The following RASGEF1C variants were observed in gnomAD, a reference collection of about 807,000 sequenced individuals.
The protein encoded by RASGEF1C is ras-GEF domain-containing family member 1C.
Under a neutral mutation model 58.1 loss-of-function variants are expected in RASGEF1C, and 27 were observed. The observed-to-expected ratio is 0.46, with a 90% CI of 0.34 to 0.64. The LOEUF (loss-of-function observed/expected upper bound fraction) is 0.64, where lower values mean the gene tolerates loss of function less well. Ranked by LOEUF, RASGEF1C falls within the 30% of genes least tolerant of loss-of-function variation. The pLI is 0.01. For missense variants in RASGEF1C, 502 were observed against 605.1 expected (o/e 0.83, Z 1.79); for synonymous variants, 243 against 246.3 (o/e 0.99, Z 0.13).
In RASGEF1C at chr5:180,155,959, C is replaced by T. The variant is rs1033732254; in HGVS notation, c.-6-17901G>A. Among the ~76,000 whole-genome samples, 2 of 152,136 alleles carry T rather than the reference C, an allele frequency of 1.3e-5. No homozygotes were observed. The highest frequency in any genetic ancestry group is 4.8e-5 in the African/African-American group (2 of 41,432). On this transcript the variant is annotated intron_variant, in intron 1 of 13. Coordinates refer to ENST00000361132, the MANE Select transcript of RASGEF1C (RefSeq NM_175062.4). The surrounding 1 kb of genome is among the most constrained non-coding windows in gnomAD (Gnocchi z 5.2). ...AAGTGACCAGGTTATCCAATTAGAGCAAAGCCTGGGCTTTGCTTCGAGACA... is the reference window on the plus strand; with the variant it reads ...AAGTGACCAGGTTATCCAATTAGAGTAAAGCCTGGGCTTTGCTTCGAGACA...
intron 8 of RASGEF1C, among the ~76,000 whole-genome samples, chr5:180,119,107 C>T (rs1287746435): frequency 1.3e-5 from 2 of 152,236 alleles, no homozygotes; most frequent in African/African-American, 4.8e-5. Flanking sequence ...GGTCTGGGGA[C>T]ATACCACCAA....
At chr5:180,152,552 G>A (rs1381753430) in intron 1 of RASGEF1C, among the ~76,000 whole-genome samples, 9 of 121,166 alleles carry the variant, frequency 7.4e-5, no homozygotes, top group African/African-American at 2.2e-4. Context: ...ATCACACACC[G>A]GGGCCTGTTG....
chr5:180,171,563 C>G (rs896075009), intron 1 of RASGEF1C, among the ~76,000 whole-genome samples: 3 of 152,118 alleles, frequency 2.0e-5, no homozygotes, highest in African/African-American at 7.2e-5. Flanking sequence ...CACACTCAGC[C>G]CCTGGGTCCC....
intron 3 of RASGEF1C, chr5:180,136,849 G>T (rs1766488332): frequency 6.1e-6 from 2 of 328,524 alleles, no homozygotes; most frequent in Admixed American, 9.3e-5. Context: ...CGACCAATCA[G>T]AGCAGGCATA....
At chr5:180,139,710 G>A (rs1471125595) in intron 1 of RASGEF1C, among the ~76,000 whole-genome samples, 2 of 152,208 alleles carry the variant, frequency 1.3e-5, no homozygotes, top group African/African-American at 2.4e-5. Context: ...AGGGGGAGGC[G>A]GCTGAGCAGG....
chr5:180,127,830 G>T, intron 5 of RASGEF1C, 147 bp from the exon 6 acceptor site: 1 of 697,610 alleles, frequency 1.4e-6, no homozygotes, highest in Non-Finnish European at 2.4e-6. Context: ...TGGAGACCCT[G>T]TTTTAGGTTG....
chr5:180,119,204 C>A, intron 8 of RASGEF1C, 142 bp downstream of exon 8: 1 of 733,998 alleles, frequency 1.4e-6, no homozygotes, highest in South Asian at 1.6e-5. Context: ...TGGGGCTGCC[C>A]AGGCCTTCAG....
rs552949851 is a variant in RASGEF1C, at chr5:180,159,982, A to G, written c.-6-21924T>C. Among the ~76,000 whole-genome samples the G allele has an allele frequency of 6.6e-5, 10 of 152,316 alleles. No homozygotes were observed. In the South Asian group the frequency reaches 1.9e-3, roughly 28 times the overall value. ...AGCACATTGTTTGGATCCTGAATCT[A>G]GCTGCACTCGAAGTTAGCCCTGCTT... On this transcript the variant is annotated intron_variant, in intron 1 of 13. Transcript: ENST00000361132.
At chr5:180,141,683 A>C (rs1294761723) in intron 1 of RASGEF1C, among the ~76,000 whole-genome samples, 1 of 151,872 alleles carries the variant, frequency 6.6e-6, no homozygotes, top group African/African-American at 2.4e-5. Flanking sequence ...AAAAGGGTTA[A>C]AATGATACAT....
chr5:180,185,714 T>C (rs1030343094), intron 1 of RASGEF1C, among the ~76,000 whole-genome samples: 1 of 152,166 alleles, frequency 6.6e-6, no homozygotes, highest in African/African-American at 2.4e-5. Flanking sequence ...ATTCGAATGA[T>C]ACAAACTACC....
At position 180,119,447 on chromosome 5, in the gene RASGEF1C, G is replaced by C. The variant is rs768061687; in HGVS notation, c.806C>G (p.Pro269Arg). 1 of 1,613,780 alleles carries C rather than the reference G, an allele frequency of 6.2e-7. No homozygotes were observed. The highest frequency in any genetic ancestry group is 1.7e-5 in the Admixed American group (1 of 60,018). ...CTGGGCCCTCTGCTTCTTCTTGGCT[G>C]GCTGGGGACAGGGCAGCAGAGCCTC... ...CYLVATEICMPAKKKQRAQVI... is the reference protein window; with the variant it reads ...CYLVATEICMRAKKKQRAQVI... Residue 269 changes from proline (P) to arginine (R), a missense_variant and splice_region_variant, in exon 8 of 14, where the codon CCA becomes CGA. Coordinates refer to ENST00000361132, the MANE Select transcript of RASGEF1C (RefSeq NM_175062.4).
chr5:180,162,039 A>G (rs1562082), intron 1 of RASGEF1C, among the ~76,000 whole-genome samples: 6,902 of 152,338 alleles, frequency 0.045, 333 homozygotes, highest in African/African-American at 0.12. Flanking sequence ...GGATGACCAT[A>G]GATGAGGTCC....
intron 1 of RASGEF1C, among the ~76,000 whole-genome samples, chr5:180,146,649 G>T (rs1766665505): frequency 6.6e-6 from 1 of 151,750 alleles, no homozygotes; most frequent in Admixed American, 6.6e-5. Context: ...AACCATCTTT[G>T]CATTCCAGGA....
rs541869772 is a variant in RASGEF1C at position 180,182,199 on chromosome 5, C to A, written c.-7+26829G>T. 6.2e-5 allele frequency among the ~76,000 whole-genome samples: 5 copies of A among 80,064 alleles called. No homozygotes were observed. The Admixed American group carries it at 6.3e-4, about 10-fold the overall frequency. 52.5% of individuals were successfully genotyped at this position (80,064 alleles called of 152,430 possible). A position where few individuals can be genotyped will look rare whatever the true frequency, so the allele number is the denominator to read the frequency against. On this transcript the variant is annotated intron_variant, in intron 1 of 13. Transcript: ENST00000361132. ...CAGCCTGGGCAACAGAGCAAGACTC[C>A]GTCTCAAAAAAAAAAAAAAAAAAAA...
At chr5:180,194,250 A>T (rs776926286) in intron 1 of RASGEF1C, among the ~76,000 whole-genome samples, 2 of 152,202 alleles carry the variant, frequency 1.3e-5, no homozygotes, top group African/African-American at 2.4e-5. Context: ...CGCGTTCATT[A>T]TATGAAATGC....
intron 1 of RASGEF1C, among the ~76,000 whole-genome samples, chr5:180,153,093 C>A (rs965337032): frequency 1.3e-5 from 2 of 152,042 alleles, no homozygotes; most frequent in African/African-American, 4.8e-5. Context: ...AAATGCCTGG[C>A]TCCCAAATGG....
At position 180,201,604 on chromosome 5, in the gene RASGEF1C, A is replaced by G. The variant is rs75032841; in HGVS notation, c.-7+7424T>C. Among the ~76,000 whole-genome samples the G allele has an allele frequency of 3.6e-3, 549 of 152,288 alleles. 15 individuals carry two copies. The East Asian group carries it at 0.073, about 20-fold the overall frequency. On this transcript the variant is annotated intron_variant, in intron 1 of 13. Transcript: ENST00000361132. ...CACTAATCCTTCCCACAAACCCCCA[A>G]TTTACAAAGGGAAAAACCACACGCA...
chr5:180,119,546 C>G (rs1040699035), intron 7 of RASGEF1C, 98 bp from the exon 8 acceptor site: 5 of 876,938 alleles, frequency 5.7e-6, no homozygotes, highest in Non-Finnish European at 7.4e-6. Context: ...TTCTCTAAAC[C>G]CATTGCACAG....
intron 1 of RASGEF1C, among the ~76,000 whole-genome samples, chr5:180,205,707 TTATTATAA>T (rs904178038): frequency 5.8e-5 from 6 of 102,756 alleles, no homozygotes; most frequent in Non-Finnish European, 1.3e-4. Context: ...CTCTTTGCCA[TTATTATAA>T]TATTATTATT....
Sources: allele counts gnomAD v4.1 joint callset (sites outside exome capture counted in the v4.1 genomes callset), GRCh38; gene constraint gnomAD v4.1.1; non-coding constraint Gnocchi (gnomAD v3.1); transcripts MANE v1.5; gene names NCBI Gene and HGNC (gene_info 2026-07-23, HGNC 2026-07-21).